Variants in FOXP1 observed in about 807,000 individuals in gnomAD.
The protein encoded by FOXP1 is forkhead box protein P1.
In FOXP1, 15 loss-of-function variants were observed where a neutral mutation model predicts 98.2. The ratio of observed to expected loss-of-function variants is 0.15; its 90% CI spans 0.10 to 0.24. The LOEUF (loss-of-function observed/expected upper bound fraction) is 0.24. FOXP1 is among the 10% of genes least tolerant of loss of function. FOXP1 has a pLI of 1.00. For missense variants in FOXP1, 633 were observed against 848.5 expected, an observed-to-expected ratio of 0.75 and a Z score of 3.15; for synonymous variants, 371 against 314.5, an observed-to-expected ratio of 1.18 and a Z score of -1.90.
At chr3:71,283,005 C>T (rs149122664) in intron 5 of FOXP1, among the ~76,000 whole-genome samples, 128 of 152,260 alleles carry the variant, frequency 8.4e-4, no homozygotes, top group Non-Finnish European at 1.3e-3. Flanking sequence ...AAGTGCACAA[C>T]AACAGTCCAG....
intron 6 of FOXP1, among the ~76,000 whole-genome samples, chr3:71,120,451 A>T (rs831450): frequency 6.6e-6 from 1 of 152,082 alleles, no homozygotes; most frequent in South Asian, 2.1e-4. Flanking sequence ...TTTAGGTAGG[A>T]CATTTTGCAT....
intron 3 of FOXP1, among the ~76,000 whole-genome samples, chr3:71,390,131 T>C (rs1218564152): frequency 2.6e-5 from 4 of 152,226 alleles, no homozygotes; most frequent in African/African-American, 7.2e-5. Flanking sequence ...TCAGAGCTAC[T>C]GTAAACTGGT....
chr3:71,288,507 G>A (rs2072410281), intron 5 of FOXP1: 1 of 152,176 alleles, frequency 6.6e-6, no homozygotes, highest in South Asian at 2.1e-4. Flanking sequence ...GCTCAAACTA[G>A]TATTTTACTA....
intron 5 of FOXP1, among the ~76,000 whole-genome samples, chr3:71,223,574 A>G (rs1393454690): frequency 6.6e-6 from 1 of 151,750 alleles, no homozygotes; most frequent in African/African-American, 2.4e-5. Flanking sequence ...AGACGCCTGT[A>G]GTCCCAGCTA....
In FOXP1 at chr3:70,959,401, A is replaced by G; in HGVS notation, c.1890-10T>C. The G allele has an allele frequency of 6.2e-7, 1 of 1,614,070 alleles. No individual in the cohort carries two copies. The highest frequency in any genetic ancestry group is 1.1e-5 in the South Asian group (1 of 91,082). On this transcript the variant is annotated splice_polypyrimidine_tract_variant and intron_variant, in intron 20 of 20. Coordinates refer to ENST00000649528, the MANE Select transcript of FOXP1 (RefSeq NM_001349338.3). ...GACGTGTACAGGATGCCTGGAAAAA[A>G]TATGCAGAGGTTCAGTGAGGGTACT...
intron 3 of FOXP1, among the ~76,000 whole-genome samples, chr3:71,464,208 G>T (rs1023328595): frequency 6.6e-6 from 1 of 152,174 alleles, no homozygotes; most frequent in Non-Finnish European, 1.5e-5. Context: ...CCCGGGAGAC[G>T]GAGGTTGCAG....
intron 11 of FOXP1, among the ~76,000 whole-genome samples, chr3:71,031,052 A>T (rs1368864680): frequency 6.6e-6 from 1 of 152,202 alleles, no homozygotes; most frequent in African/African-American, 2.4e-5. Flanking sequence ...TATGACCCAG[A>T]ATTCCACTGA....
intron 2 of FOXP1, among the ~76,000 whole-genome samples, chr3:71,527,720 A>G (rs889693307): frequency 5.3e-5 from 8 of 152,116 alleles, no homozygotes; most frequent in Non-Finnish European, 1.2e-4. Flanking sequence ...AATAGGGGGG[A>G]AAAAACAAAG....
At chr3:71,065,972 C>T (rs1412482264) in intron 7 of FOXP1, among the ~76,000 whole-genome samples, 2 of 151,608 alleles carry the variant, frequency 1.3e-5, no homozygotes, top group South Asian at 4.2e-4. Context: ...AGAAAAACTT[C>T]CTGGCCTGTA....
chr3:71,427,857 A>T (rs2084305561), intron 3 of FOXP1, among the ~76,000 whole-genome samples: 1 of 152,324 alleles, frequency 6.6e-6, no homozygotes, highest in South Asian at 2.1e-4. Flanking sequence ...CAAAGAAAAG[A>T]TGACAAATCC....
intron 4 of FOXP1, among the ~76,000 whole-genome samples, chr3:71,328,872 G>A (rs1335208429): frequency 2.6e-5 from 4 of 151,172 alleles, no homozygotes; most frequent in Non-Finnish European, 4.4e-5. Context: ...TTGGGAGGCT[G>A]AGGCAGGAGA....
intron 3 of FOXP1, among the ~76,000 whole-genome samples, chr3:71,396,124 G>A (rs931637465): frequency 8.5e-5 from 13 of 152,140 alleles, no homozygotes; most frequent in Admixed American, 5.2e-4. Context: ...GGGCAGAGCT[G>A]AGTCAAGTCT....
intron 3 of FOXP1, among the ~76,000 whole-genome samples, chr3:71,383,150 T>A (rs2080304987): frequency 6.6e-6 from 1 of 152,212 alleles, no homozygotes; most frequent in Non-Finnish European, 1.5e-5. Flanking sequence ...GACATTATTA[T>A]GGTAAACTGA....
At chr3:71,455,683 G>A (rs201607421) in intron 3 of FOXP1, among the ~76,000 whole-genome samples, 3 of 152,108 alleles carry the variant, frequency 2.0e-5, no homozygotes, top group East Asian at 3.9e-4. Flanking sequence ...TTTGGGAGAA[G>A]AAGCCCAAAT....
At chr3:71,139,680 T>A (rs1369258357) in intron 6 of FOXP1, among the ~76,000 whole-genome samples, 4 of 152,034 alleles carry the variant, frequency 2.6e-5, no homozygotes, top group African/African-American at 9.7e-5. Context: ...TTGGTTCTAT[T>A]ACTTCCCAGC....
At chr3:71,233,425 T>G (rs2066498946) in intron 5 of FOXP1, among the ~76,000 whole-genome samples, 1 of 151,790 alleles carries the variant, frequency 6.6e-6, no homozygotes, top group Non-Finnish European at 1.5e-5. Flanking sequence ...TTTTTTTTTG[T>G]TTTTGTTTTT....
chr3:71,406,403 GTGTA>G lies in FOXP1; in HGVS notation c.-167-47163_-167-47160del, dbSNP rs1205978648. ...TTTAATTGACACATAATAACTGTAT[GTGTA>G]TATATATATATATATATGGTACAGT... is the stretch of plus-strand genomic sequence containing the variant. On this transcript the variant is annotated intron_variant, in intron 3 of 20. Transcript: ENST00000649528. 1.0e-4 allele frequency among the ~76,000 whole-genome samples: 11 copies of G among 107,968 alleles called. 2 individuals carry two copies. The highest frequency in any genetic ancestry group is 1.9e-4 in the Non-Finnish European group (9 of 46,166). The allele number at this position is 107,968 out of a possible 152,430, so 70.8% of individuals were successfully genotyped here.
intron 14 of FOXP1, among the ~76,000 whole-genome samples, chr3:70,979,460 C>T (rs918214533): frequency 6.6e-6 from 1 of 152,036 alleles, no homozygotes; most frequent in Non-Finnish European, 1.5e-5. Context: ...TCTGGCAATG[C>T]TGAAGAATTT....
intron 4 of FOXP1, among the ~76,000 whole-genome samples, chr3:71,327,692 T>C (rs1576990833): frequency 6.6e-6 from 1 of 151,966 alleles, no homozygotes; most frequent in East Asian, 1.9e-4. Flanking sequence ...CAGCCCAATT[T>C]CTCAAAGTTA....
Sources: gnomAD v4.1 joint callset for allele counts (sites outside exome capture counted in the v4.1 genomes callset) on GRCh38, gnomAD v4.1.1 for gene constraint, MANE v1.5 for transcripts, NCBI Gene and HGNC (gene_info 2026-07-23, HGNC 2026-07-21) for gene names.